Variants in CMSS1 observed in about 807,000 individuals in gnomAD.
CMSS1 encodes the protein protein CMSS1.
A neutral mutation model predicts 43.5 loss-of-function variants in CMSS1; 33 were observed. The observed-to-expected ratio is 0.76, with a 90% CI of 0.57 to 1.01. The LOEUF is 1.01. Ranked by LOEUF, CMSS1 falls within the 50% of genes least tolerant of loss-of-function variation. The probability of loss-of-function intolerance (pLI) is 0.00; values close to 1 mark genes in which losing one functional copy is unlikely to be tolerated. For missense variants in CMSS1, 313 were observed against 326.4 expected, an observed-to-expected ratio of 0.96 and a Z score of 0.32; for synonymous variants, 115 against 117.2, an observed-to-expected ratio of 0.98 and a Z score of 0.12.
intron 1 of CMSS1, among the ~76,000 whole-genome samples, chr3:100,020,860 C>A (rs547072751): frequency 1.7e-3 from 262 of 150,414 alleles, no homozygotes; most frequent in African/African-American, 6.1e-3. Context: ...CTCTGCCTCC[C>A]AGGTTCAAGT....
At chr3:99,961,869 G>A (rs773427259) in intron 1 of CMSS1, among the ~76,000 whole-genome samples, 3 of 150,510 alleles carry the variant, frequency 2.0e-5, no homozygotes, top group East Asian at 2.0e-4. Flanking sequence ...AGCACAAACC[G>A]GGTATGCATT....
At chr3:100,032,636 C>T (rs766778) in intron 1 of CMSS1, among the ~76,000 whole-genome samples, 92,167 of 151,970 alleles carry the variant, frequency 0.61, 28,071 homozygotes, top group East Asian at 0.72. Flanking sequence ...GCTATATTGA[C>T]GAACTTTAAA....
intron 1 of CMSS1, among the ~76,000 whole-genome samples, chr3:99,886,101 A>G (rs1190944325): frequency 2.7e-5 from 4 of 147,938 alleles, no homozygotes; most frequent in Middle Eastern, 3.3e-3. Flanking sequence ...AGAACACTCT[A>G]TGTGTGCACA....
chr3:100,056,800 C>G (rs538574247), intron 1 of CMSS1, among the ~76,000 whole-genome samples: 268 of 151,314 alleles, frequency 1.8e-3, no homozygotes, highest in African/African-American at 6.2e-3. Flanking sequence ...GTCAGGAGAT[C>G]GAGACCATCC....
chr3:99,862,267 A>G (rs1944302178), intron 1 of CMSS1, among the ~76,000 whole-genome samples: 1 of 152,224 alleles, frequency 6.6e-6, no homozygotes, highest in Admixed American at 6.5e-5. Context: ...ATTGGAAAAA[A>G]AAGTAGGACA....
At chr3:99,930,146 T>C (rs2107662033) in intron 1 of CMSS1, 2 of 808,160 alleles carry the variant, frequency 2.5e-6, no homozygotes, top group Non-Finnish European at 3.9e-6. Flanking sequence ...ATGAATCATA[T>C]TTCATTTTCA....
intron 5 of CMSS1, among the ~76,000 whole-genome samples, chr3:100,166,960 C>G (rs1206280717): frequency 1.3e-5 from 2 of 151,826 alleles, no homozygotes; most frequent in African/African-American, 4.8e-5. Context: ...GTTGCCCAGG[C>G]TGGTCTCAAA....
intron 1 of CMSS1, chr3:99,929,839 C>T (rs1384583566): frequency 1.3e-6 from 2 of 1,596,514 alleles, no homozygotes; most frequent in Non-Finnish European, 1.7e-6. Flanking sequence ...GGTACACACC[C>T]CTATTGTGGT....
chr3:99,864,858 CTG>C (rs1219368321), intron 1 of CMSS1, among the ~76,000 whole-genome samples: 3 of 152,154 alleles, frequency 2.0e-5, no homozygotes, highest in African/African-American at 7.2e-5. Context: ...TTATTGATTA[CTG>C]TCTCTCCTAC....
At chr3:99,861,476 C>G (rs1352373550) in intron 1 of CMSS1, among the ~76,000 whole-genome samples, 1 of 152,184 alleles carries the variant, frequency 6.6e-6, no homozygotes, top group Non-Finnish European at 1.5e-5. Context: ...TGGTGCTCCT[C>G]CTGGGCTTGT....
chr3:100,033,399 C>T (rs1357342301), intron 1 of CMSS1, among the ~76,000 whole-genome samples: 1 of 152,202 alleles, frequency 6.6e-6, no homozygotes, highest in Non-Finnish European at 1.5e-5. Flanking sequence ...TCCATCAAAC[C>T]CTCATTCCCA....
chr3:100,068,678 A>C lies in CMSS1; in HGVS notation c.65-78295A>C, dbSNP rs140543709. On this transcript the variant is annotated intron_variant, in intron 1 of 9. Transcript: ENST00000421999. ...AGTCTTGCTCTGTTACCCAGGCTGG[A>C]GTGCAGTTGCACGATCTCGGCTTAC... Among the ~76,000 whole-genome samples the C allele has an allele frequency of 4.6e-3, 704 of 152,234 alleles. 2 individuals carry two copies. Among genetic ancestry groups the C allele is most frequent in the South Asian group, 7.0e-3 (34 of 4,824 alleles).
chr3:99,956,333 G>A (rs116671348), intron 1 of CMSS1, among the ~76,000 whole-genome samples: 3 of 152,132 alleles, frequency 2.0e-5, no homozygotes, highest in South Asian at 2.1e-4. Context: ...CTTGGTTTCC[G>A]ATTCTGTCCC....
intron 1 of CMSS1, among the ~76,000 whole-genome samples, chr3:99,962,378 A>G (rs779679127): frequency 7.9e-5 from 12 of 152,172 alleles, no homozygotes; most frequent in African/African-American, 1.4e-4. Context: ...CATAATTACT[A>G]TGGGCAACAT....
chr3:99,857,755 GTAAA>G (rs1944039902), intron 1 of CMSS1, among the ~76,000 whole-genome samples: 1 of 152,200 alleles, frequency 6.6e-6, no homozygotes, highest in Admixed American at 6.5e-5. Flanking sequence ...AAATCAGCCT[GTAAA>G]TAGAGAATAA....
chr3:99,930,866 T>C, intron 1 of CMSS1: 1 of 1,613,144 alleles, frequency 6.2e-7, no homozygotes, highest in Non-Finnish European at 8.5e-7. Flanking sequence ...CTTCTCTGCC[T>C]TGGGACACGG....
intron 1 of CMSS1, among the ~76,000 whole-genome samples, chr3:99,903,043 C>T (rs1706488512): frequency 6.6e-6 from 1 of 152,072 alleles, no homozygotes; most frequent in East Asian, 1.9e-4. Context: ...GGTTTAATTC[C>T]TTTCCTGCCC....
intron 1 of CMSS1, among the ~76,000 whole-genome samples, chr3:99,958,213 A>G (rs1708391871): frequency 7.7e-6 from 1 of 129,798 alleles, no homozygotes; most frequent in Non-Finnish European, 1.7e-5. Context: ...CATTATTATT[A>G]TTATTATTAT....
At chr3:100,122,659 G>A (rs1018489526) in intron 1 of CMSS1, among the ~76,000 whole-genome samples, 1 of 152,320 alleles carries the variant, frequency 6.6e-6, no homozygotes, top group Middle Eastern at 3.4e-3. Flanking sequence ...CTTTAAATTA[G>A]AAGGACTAAC....
Sources: allele counts gnomAD v4.1 joint callset (sites outside exome capture counted in the v4.1 genomes callset), GRCh38; gene constraint gnomAD v4.1.1; transcripts MANE v1.5; gene names NCBI Gene and HGNC (gene_info 2026-07-23, HGNC 2026-07-21).